TMEM94: variants seen among roughly 807,000 people sequenced by gnomAD.
TMEM94 encodes transmembrane protein 94, also known as ER Mg2+ ATPase.
A neutral mutation model predicts 158.6 loss-of-function variants in TMEM94; 81 were observed. The observed-to-expected ratio is 0.51, with a 90% CI of 0.43 to 0.61. The LOEUF (loss-of-function observed/expected upper bound fraction) is 0.61, where lower values mean the gene tolerates loss of function less well. Ranked by LOEUF, TMEM94 falls within the 20% of genes least tolerant of loss-of-function variation. The pLI, the probability that TMEM94 is intolerant of heterozygous loss-of-function variation, is 0.00. For missense variants in TMEM94, 1,435 were observed against 1,762.0 expected (o/e 0.81, Z 3.32); for synonymous variants, 751 against 730.7 (o/e 1.03, Z -0.45).
chr17:75,468,582 G>A (rs1277386446), intron 1 of TMEM94, among the ~76,000 whole-genome samples: 1 of 152,240 alleles, frequency 6.6e-6, no homozygotes, highest in African/African-American at 2.4e-5. Context: ...AAGACTGAAT[G>A]TCACTGCATT....
chr17:75,498,540 TGA>T lies in TMEM94; in HGVS notation c.3733+6_3733+7del, dbSNP rs1367241211. On this transcript the variant is annotated splice_donor_region_variant and intron_variant, in intron 29 of 31. Coordinates refer to ENST00000314256, the MANE Select transcript of TMEM94 (RefSeq NM_014738.6). This position sits in a 1 kb window ranked among gnomAD's most constrained non-coding sequence, Gnocchi z 6.7. ...CCGCCCTGATTGTCCTGCACACTGGTGAGAGGGCTCCCTGGGAGGGCGTGGAT... is the reference window on the plus strand; with the variant it reads ...CCGCCCTGATTGTCCTGCACACTGGTGAGGGCTCCCTGGGAGGGCGTGGAT... 1.2e-6 allele frequency: 2 copies of T among 1,610,886 alleles called. No individual in the cohort carries two copies. Among genetic ancestry groups the T allele is most frequent in the Non-Finnish European group, 1.7e-6 (2 of 1,178,520 alleles).
intron 1 of TMEM94, among the ~76,000 whole-genome samples, chr17:75,461,868 C>G (rs1193072018): frequency 6.7e-6 from 1 of 148,562 alleles, no homozygotes; most frequent in Non-Finnish European, 1.5e-5. Context: ...GAGTCGAGAT[C>G]GTGCCACTGC....
intron 2 of TMEM94, among the ~76,000 whole-genome samples, chr17:75,476,214 G>A (rs1048832232): frequency 6.6e-6 from 1 of 152,142 alleles, no homozygotes; most frequent in Admixed American, 6.5e-5. Context: ...CTTGATACTG[G>A]CAGTTGTCTT....
intron 2 of TMEM94, among the ~76,000 whole-genome samples, chr17:75,483,101 G>A (rs757328626): frequency 3.9e-5 from 6 of 152,180 alleles, no homozygotes; most frequent in Non-Finnish European, 8.8e-5. Context: ...GGTGGGGCAC[G>A]TGATTCTCGC....
At chr17:75,472,947 C>T (rs2050552610) in intron 2 of TMEM94, among the ~76,000 whole-genome samples, 1 of 152,288 alleles carries the variant, frequency 6.6e-6, no homozygotes, top group South Asian at 2.1e-4. Flanking sequence ...TTTGTAGTAC[C>T]TCCACCATTG....
At chr17:75,459,069 A>ACTTCTTTTTAAATG (rs2049986011) in intron 1 of TMEM94, among the ~76,000 whole-genome samples, 1 of 151,020 alleles carries the variant, frequency 6.6e-6, no homozygotes, top group African/African-American at 2.5e-5. Flanking sequence ...AAAAAAAAAA[A>ACTTCTTTTTAAATG]CAAAAAAAAC....
In TMEM94 at chr17:75,485,111, C is replaced by T. The variant is rs1305913454; in HGVS notation, c.25-317C>T. Among the ~76,000 whole-genome samples the T allele has an allele frequency of 1.3e-5, 2 of 151,750 alleles. No individual in the cohort carries two copies. Among genetic ancestry groups the T allele is most frequent in the African/African-American group, 4.8e-5 (2 of 41,256 alleles). ...AATAAATTGGGAGATCAGTGGTGAG[C>T]ACAGCCTGGGTGGGCAGGGAGCTCG... On this transcript the variant is annotated intron_variant, in intron 2 of 31. Coordinates refer to ENST00000314256, the MANE Select transcript of TMEM94 (RefSeq NM_014738.6). This position sits in a 1 kb window ranked among gnomAD's most constrained non-coding sequence, Gnocchi z 5.5.
chr17:75,463,082 A>ACG (rs2050152522), intron 1 of TMEM94, among the ~76,000 whole-genome samples: 1 of 37,522 alleles, frequency 2.7e-5, no homozygotes, highest in Non-Finnish European at 4.3e-5. Flanking sequence ...ATATATATAC[A>ACG]CACACACACA....
At chr17:75,460,737 C>G (rs191310336) in intron 1 of TMEM94, among the ~76,000 whole-genome samples, 1 of 152,170 alleles carries the variant, frequency 6.6e-6, no homozygotes, top group African/African-American at 2.4e-5. Flanking sequence ...GTCTCAAACT[C>G]CTGTGCTCAA....
intron 1 of TMEM94, chr17:75,459,771 G>T (rs2050005537): frequency 1.3e-5 from 2 of 152,144 alleles, no homozygotes; most frequent in South Asian, 2.1e-4. Flanking sequence ...CGTGGCACTG[G>T]TTGGTAAATA....
chr17:75,486,744 C>T (rs983148742), intron 5 of TMEM94, among the ~76,000 whole-genome samples: 19 of 152,150 alleles, frequency 1.2e-4, no homozygotes, highest in Admixed American at 2.0e-4. Flanking sequence ...GAAGTTTTCT[C>T]GTTCAAGTCC....
rs1381050069 is a variant in TMEM94 at position 75,476,425 on chromosome 17, C to T, written c.24+4496C>T. 6 of 1,086,946 alleles carry T rather than the reference C, an allele frequency of 5.5e-6. No individual in the cohort carries two copies. In the South Asian group the frequency reaches 6.0e-5, roughly 11 times the overall value. The allele number at this position is 1,086,946 out of a possible 1,614,324, so 67.3% of individuals were successfully genotyped here. ...TCCCTCCTTCTCTTTCCTCTTCTCC[C>T]CTCCCTCCCGCCCTTCCAGGGCTGC... is the stretch of plus-strand genomic sequence containing the variant. On this transcript the variant is annotated intron_variant, in intron 2 of 31. Transcript: ENST00000314256.
intron 6 of TMEM94, 70 bp downstream of exon 6, chr17:75,488,204 C>G: frequency 6.8e-7 from 1 of 1,480,474 alleles, no homozygotes; most frequent in Non-Finnish European, 9.4e-7. Flanking sequence ...GGGAGGGTCC[C>G]CAGACTTCAT....
intron 1 of TMEM94, 42 bp downstream of exon 1, chr17:75,456,793 G>A (rs2049905768): frequency 1.3e-5 from 2 of 152,462 alleles, no homozygotes; most frequent in South Asian, 4.1e-4. Flanking sequence ...GGGGAGCAAG[G>A]GGGCGTGGGG....
chr17:75,497,049 G>T, intron 25 of TMEM94, 64 bp from the exon 26 acceptor site: 2 of 1,403,068 alleles, frequency 1.4e-6, no homozygotes, highest in Non-Finnish European at 2.0e-6. Context: ...GGAGCTCGGG[G>T]GCTCCTATGC....
intron 1 of TMEM94, chr17:75,459,704 C>T (rs1271411988): frequency 2.6e-5 from 4 of 152,130 alleles, no homozygotes; most frequent in African/African-American, 4.8e-5. Context: ...TAAGCCTGAA[C>T]GCCATAAAGC....
intron 2 of TMEM94, chr17:75,476,615 C>A (rs2050703816): frequency 1.3e-6 from 2 of 1,526,436 alleles, no homozygotes; most frequent in Non-Finnish European, 1.8e-6. Context: ...CTCTCTCTCT[C>A]TTTTCACCCT....
rs1340729723 is a variant in TMEM94 at position 75,494,623 on chromosome 17, G to A, written c.2408-4G>A. On this transcript the variant is annotated splice_polypyrimidine_tract_variant and splice_region_variant and intron_variant, in intron 18 of 31. Coordinates refer to ENST00000314256, the MANE Select transcript of TMEM94 (RefSeq NM_014738.6). ...GGGCTGTGTCCTGTGTGTCCTGCCT[G>A]AAGAAGGGATCGGGGAGGTGCTGGA... The A allele has an allele frequency of 1.2e-6, 2 of 1,613,202 alleles. No homozygotes were observed. Among genetic ancestry groups the A allele is most frequent in the Non-Finnish European group, 1.7e-6 (2 of 1,179,822 alleles).
intron 31 of TMEM94, 86 bp downstream of exon 31, chr17:75,499,168 C>T (rs751410057): frequency 1.3e-4 from 209 of 1,588,304 alleles, no homozygotes; most frequent in Non-Finnish European, 1.5e-4. Context: ...CCCACCTTTC[C>T]GCTGCCCATC....
Sources: gnomAD v4.1 joint callset for allele counts (sites outside exome capture counted in the v4.1 genomes callset) on GRCh38, gnomAD v4.1.1 for gene constraint, Gnocchi (gnomAD v3.1) non-coding constraint, MANE v1.5 for transcripts, NCBI Gene and HGNC (gene_info 2026-07-23, HGNC 2026-07-21) for gene names.